Variants in B4GALT1 observed in about 807,000 individuals in gnomAD.
B4GALT1 encodes N-acetyllactosamine synthase.
In B4GALT1, 16 loss-of-function variants were observed where a neutral mutation model predicts 34.9. That is an observed-to-expected ratio of 0.46 (90% CI 0.31 to 0.70). B4GALT1 has a LOEUF of 0.70. Among genes scored for constraint, B4GALT1 ranks in the 30% least tolerant of loss-of-function variants. The pLI, the probability that B4GALT1 is intolerant of heterozygous loss-of-function variation, is 0.05. For synonymous variants in B4GALT1, 221 were observed against 218.1 expected (o/e 1.01, Z -0.12); for missense variants, 445 against 530.5 (o/e 0.84, Z 1.58).
At chr9:33,121,633 G>A (rs1298163016) in intron 2 of B4GALT1, among the ~76,000 whole-genome samples, 2 of 151,526 alleles carry the variant, frequency 1.3e-5, no homozygotes, top group African/African-American at 4.9e-5. Flanking sequence ...GCCTCCCAAA[G>A]TGCTAGGATT....
In B4GALT1 at chr9:33,111,154, T is replaced by A. The variant is rs994915693; in HGVS notation, c.*2300A>T. 1 of 147,338 alleles carries A rather than the reference T, an allele frequency of 6.8e-6. No individual in the cohort carries two copies. The highest frequency in any genetic ancestry group is 1.5e-5 in the Non-Finnish European group (1 of 67,474). The allele number at this position is 147,338 out of a possible 1,614,324, so 9.1% of individuals were successfully genotyped here. A position where few individuals can be genotyped will look rare whatever the true frequency, so the allele number is the denominator to read the frequency against. ...GCCCTGGCTGTGCCTTGGGCCCAGG[T>A]GAGCCCATGAGAGCACTACGTCAGC... On this transcript the variant is annotated 3_prime_UTR_variant, in exon 6 of 6. Transcript: ENST00000379731.
At chr9:33,104,659 G>A (rs1839780493) in exon 3 of B4GALT1, 2 of 441,898 alleles carry the variant, frequency 4.5e-6, no homozygotes, top group Non-Finnish European at 9.0e-6. Context: ...AGCCCACACA[G>A]CCAGCACGTC....
chr9:33,133,549 A>G (rs1257214285), intron 2 of B4GALT1, among the ~76,000 whole-genome samples: 4 of 152,200 alleles, frequency 2.6e-5, no homozygotes, highest in Admixed American at 1.3e-4. Context: ...TCTTAAATGA[A>G]TATGTGTTGG....
At chr9:33,134,780 T>G (rs759362581) in intron 2 of B4GALT1, among the ~76,000 whole-genome samples, 1 of 152,234 alleles carries the variant, frequency 6.6e-6, no homozygotes, top group Non-Finnish European at 1.5e-5. Flanking sequence ...ACGCTCTGAC[T>G]GACTGGATAA....
chr9:33,144,415 T>C (rs1042615872), intron 1 of B4GALT1, among the ~76,000 whole-genome samples: 1 of 152,010 alleles, frequency 6.6e-6, no homozygotes, highest in Non-Finnish European at 1.5e-5. Context: ...TTTGTATTTT[T>C]AGTAGAGCCG....
At chr9:33,170,681 G>A (rs931295833), upstream of B4GALT1, among the ~76,000 whole-genome samples, 3 of 152,190 alleles carry the variant, frequency 2.0e-5, no homozygotes, top group African/African-American at 7.2e-5. Flanking sequence ...ACTAGTCTCA[G>A]CTGCCCCTGA....
chr9:33,173,818 G>T, the B4GALT1 span, among the ~76,000 whole-genome samples: 23 of 152,108 alleles, frequency 1.5e-4, no homozygotes, highest in Non-Finnish European at 3.2e-4. Flanking sequence ...AAGTGAGGAA[G>T]AACTCAAAGA....
the B4GALT1 span, among the ~76,000 whole-genome samples, chr9:33,181,006 C>G: frequency 6.6e-6 from 1 of 152,158 alleles, no homozygotes; most frequent in Non-Finnish European, 1.5e-5. Flanking sequence ...ACCCAGTTTG[C>G]CAACAGACTA....
chr9:33,173,591 G>GGTGTGTGTGTGTGTGTGT, the B4GALT1 span, among the ~76,000 whole-genome samples: 170 of 143,158 alleles, frequency 1.2e-3, no homozygotes, highest in Non-Finnish European at 1.9e-3. Flanking sequence ...AAATAAGAAT[G>GGTGTGTGTGTGTGTGTGT]GTGTGTGTGT....
chr9:33,105,612 A>G (rs1839789954), intron 2 of B4GALT1, among the ~76,000 whole-genome samples: 1 of 152,204 alleles, frequency 6.6e-6, no homozygotes, highest in South Asian at 2.1e-4. Flanking sequence ...TCATTAAACA[A>G]TAACTCCCCA....
At chr9:33,153,866 T>C (rs977682145) in intron 1 of B4GALT1, among the ~76,000 whole-genome samples, 1 of 151,702 alleles carries the variant, frequency 6.6e-6, no homozygotes, top group Non-Finnish European at 1.5e-5. Flanking sequence ...TGAGGCAGTA[T>C]TACCCTGATA....
downstream of B4GALT1, among the ~76,000 whole-genome samples, chr9:33,105,880 G>GTTTTTTT (rs35330697): frequency 6.2e-4 from 53 of 85,740 alleles, 1 homozygote; most frequent in Admixed American, 1.2e-3. Flanking sequence ...GGACTCGTGG[G>GTTTTTTT]TTTTTTTTTT....
chr9:33,135,897 GTGTGTGTGTGTGTA>G lies in B4GALT1; in HGVS notation c.413-487_413-474del, dbSNP rs1387470521. ...TTCTAGCCTAACTGGGGAAGTGTGTGTGTGTGTGTGTGTATGTGTGTGTGTGTGTGTGTGTGTGT... is the reference window on the plus strand; with the variant it reads ...TTCTAGCCTAACTGGGGAAGTGTGTGTGTGTGTGTGTGTGTGTGTGTGTGT... On this transcript the variant is annotated intron_variant, in intron 1 of 5. Transcript: ENST00000379731. 6.6e-4 allele frequency among the ~76,000 whole-genome samples: 74 copies of G among 111,708 alleles called. No homozygotes were observed. The South Asian group carries it at 0.021, about 32-fold the overall frequency. The allele number at this position is 111,708 out of a possible 152,430, so 73.3% of individuals were successfully genotyped here.
chr9:33,162,360 A>G (rs149341846), intron 1 of B4GALT1, among the ~76,000 whole-genome samples: 1 of 152,302 alleles, frequency 6.6e-6, no homozygotes, highest in East Asian at 1.9e-4. Flanking sequence ...GCACTGTTCA[A>G]TTATGCCTCC....
At chr9:33,104,187 A>G (rs1587722122) in exon 3 of B4GALT1, 3 of 152,374 alleles carry the variant, frequency 2.0e-5, no homozygotes, top group Admixed American at 2.0e-4. Flanking sequence ...CCACTCTCCA[A>G]TCCAGGGTCT....
intron 2 of B4GALT1, among the ~76,000 whole-genome samples, chr9:33,126,634 A>C (rs1029129703): frequency 1.3e-5 from 2 of 152,246 alleles, no homozygotes; most frequent in African/African-American, 2.4e-5. Flanking sequence ...AACCATTGTT[A>C]ACATTGTTAA....
At chr9:33,171,754 G>T (rs544071195), upstream of B4GALT1, among the ~76,000 whole-genome samples, 1 of 152,086 alleles carries the variant, frequency 6.6e-6, no homozygotes, top group Non-Finnish European at 1.5e-5. Context: ...GAGATGTTGC[G>T]ATATTGCTCA....
the B4GALT1 span, among the ~76,000 whole-genome samples, chr9:33,174,985 AAAAAAATATATATATATATAT>A: frequency 2.7e-5 from 1 of 37,594 alleles, no homozygotes; most frequent in African/African-American, 9.0e-5. Flanking sequence ...AAAAAAAAAA[AAAAAAATATATATATATATAT>A]ATATATATAT....
chr9:33,181,945 T>C, the B4GALT1 span, among the ~76,000 whole-genome samples: 4 of 131,552 alleles, frequency 3.0e-5, no homozygotes, highest in East Asian at 2.2e-4. Flanking sequence ...AGGCTTCTTC[T>C]TCTTTTTCTT....
Sources: gnomAD v4.1 joint callset for allele counts (sites outside exome capture counted in the v4.1 genomes callset) on GRCh38, gnomAD v4.1.1 for gene constraint, MANE v1.5 for transcripts, NCBI Gene and HGNC (gene_info 2026-07-23, HGNC 2026-07-21) for gene names.